ATAD1: variants seen among roughly 807,000 people sequenced by gnomAD.
ATAD1 encodes the protein outer mitochondrial transmembrane helix translocase.
ATAD1 carries 18 observed loss-of-function variants against 42.7 expected under a neutral mutation model. That is an observed-to-expected ratio of 0.42 (90% CI 0.29 to 0.63). ATAD1 has a LOEUF of 0.63. ATAD1 is among the 20% of genes least tolerant of loss of function. The pLI, the probability that ATAD1 is intolerant of heterozygous loss-of-function variation, is 0.19. For synonymous variants in ATAD1, 132 were observed against 143.1 expected (o/e 0.92, Z 0.55); for missense variants, 294 against 440.4 (o/e 0.67, Z 2.98).
At chr10:87,819,263 C>CAAAAAAAAAAAAAAAAAAAAAAA (rs57941047), upstream of ATAD1, 1 of 53,726 alleles carries the variant, frequency 1.9e-5, no homozygotes, top group East Asian at 5.6e-4. Context: ...ATCGTCTCTA[C>CAAAAAAAAAAAAAAAAAAAAAAA]AAAAAAAAAA....
upstream of ATAD1, chr10:87,818,253 G>T: frequency 1.0e-6 from 1 of 985,516 alleles, no homozygotes; most frequent in Non-Finnish European, 1.2e-6. Flanking sequence ...CTTCCGGCGG[G>T]AGGCGCGGCG....
At chr10:87,828,104 C>A (rs1182143046) in intron 1 of ATAD1, among the ~76,000 whole-genome samples, 2 of 152,048 alleles carry the variant, frequency 1.3e-5, no homozygotes, top group African/African-American at 2.4e-5. Context: ...ACTACAGGCG[C>A]ACACCACTGA....
intron 5 of ATAD1, among the ~76,000 whole-genome samples, chr10:87,783,648 C>CTA (rs1284700103): frequency 1.3e-5 from 2 of 151,018 alleles, no homozygotes; most frequent in Non-Finnish European, 3.0e-5. Context: ...ATTAGTATAA[C>CTA]TATATATATT....
At chr10:87,794,631 A>T (rs557805221) in intron 2 of ATAD1, among the ~76,000 whole-genome samples, 4 of 152,240 alleles carry the variant, frequency 2.6e-5, no homozygotes, top group Admixed American at 2.6e-4. Flanking sequence ...GGCACAGGAC[A>T]GCCTCCCTTT....
intron 2 of ATAD1, among the ~76,000 whole-genome samples, chr10:87,796,989 T>C (rs750605569): frequency 6.6e-6 from 1 of 152,174 alleles, no homozygotes; most frequent in Non-Finnish European, 1.5e-5. Flanking sequence ...TTTACAGAGT[T>C]TGAGCTCACT....
chr10:87,820,781 T>G (rs1301570503), upstream of ATAD1, among the ~76,000 whole-genome samples: 1 of 152,214 alleles, frequency 6.6e-6, no homozygotes, highest in Non-Finnish European at 1.5e-5. Flanking sequence ...CTTCCATGTC[T>G]GGGCCTAAGA....
At chr10:87,765,775 A>C (rs1291985672) in intron 8 of ATAD1, among the ~76,000 whole-genome samples, 1 of 152,192 alleles carries the variant, frequency 6.6e-6, no homozygotes, top group Non-Finnish European at 1.5e-5. Flanking sequence ...CATGCCTATA[A>C]TTCCAGCCTT....
intron 8 of ATAD1, among the ~76,000 whole-genome samples, chr10:87,759,395 C>A (rs1854378037): frequency 6.6e-6 from 1 of 151,802 alleles, no homozygotes; most frequent in Non-Finnish European, 1.5e-5. Context: ...ATTAAAATTG[C>A]CTGTTAAATA....
At chr10:87,765,749 A>G (rs1854712300) in intron 8 of ATAD1, among the ~76,000 whole-genome samples, 1 of 152,206 alleles carries the variant, frequency 6.6e-6, no homozygotes. Flanking sequence ...ACCATTTTTG[A>G]CCAGCTGTGG....
At chr10:87,811,321 A>G (rs1043329959) in intron 2 of ATAD1, among the ~76,000 whole-genome samples, 2 of 152,212 alleles carry the variant, frequency 1.3e-5, no homozygotes, top group African/African-American at 2.4e-5. Context: ...CAACACAGCA[A>G]GACTCCAACT....
At position 87,756,967 on chromosome 10, in the gene ATAD1, A is replaced by G. The variant is rs368196594; in HGVS notation, c.832-45T>C. 3 of 1,471,156 alleles carry G rather than the reference A, an allele frequency of 2.0e-6. No individual in the cohort carries two copies. In the African/African-American group the frequency reaches 4.3e-5, roughly 21 times the overall value. The allele number at this position is 1,471,156 out of a possible 1,614,324, so 91.1% of individuals were successfully genotyped here. ...ATGCTTAAAAAACAAAAATAAATAT[A>G]TTGTAAATGATACTACCAAACACCC... On this transcript the variant is annotated intron_variant, in intron 8 of 9. Coordinates refer to ENST00000680024, the MANE Select transcript of ATAD1 (RefSeq NM_001321967.2).
At chr10:87,767,966 C>T (rs1854842857) in intron 7 of ATAD1, among the ~76,000 whole-genome samples, 1 of 152,136 alleles carries the variant, frequency 6.6e-6, no homozygotes, top group Admixed American at 6.6e-5. Context: ...TGGGAAATAA[C>T]ACACCTTTAA....
chr10:87,787,043 C>T (rs1855871916), intron 4 of ATAD1, among the ~76,000 whole-genome samples: 1 of 152,012 alleles, frequency 6.6e-6, no homozygotes, highest in African/African-American at 2.4e-5. Context: ...TAGAGTGGCA[C>T]CTTTTCTATA....
chr10:87,781,801 C>A (rs1428461589), intron 5 of ATAD1, among the ~76,000 whole-genome samples: 3 of 152,092 alleles, frequency 2.0e-5, no homozygotes, highest in African/African-American at 4.8e-5. Flanking sequence ...CGTTACCACA[C>A]CCGGCTAATT....
chr10:87,773,731 TG>T (rs1440145977), intron 6 of ATAD1, among the ~76,000 whole-genome samples: 1 of 152,146 alleles, frequency 6.6e-6, no homozygotes, highest in East Asian at 1.9e-4. Context: ...ATAGATGAAG[TG>T]GCTCTGGAGA....
rs559166073 is a variant in ATAD1, at chr10:87,754,602, A to G, written c.*85T>C. On this transcript the variant is annotated 3_prime_UTR_variant, in exon 10 of 10. Coordinates refer to ENST00000680024, the MANE Select transcript of ATAD1 (RefSeq NM_001321967.2). ...AACACTGAGCTCCCTCATTGTTTAA[A>G]GAGCACTCTTTCCGTTCTATTTCCA... 2.1e-6 allele frequency: 3 copies of G among 1,447,746 alleles called. No homozygotes were observed. In the East Asian group the frequency reaches 7.0e-5, roughly 34 times the overall value. The allele number at this position is 1,447,746 out of a possible 1,614,324, so 89.7% of individuals were successfully genotyped here.
intron 2 of ATAD1, among the ~76,000 whole-genome samples, chr10:87,793,943 A>G (rs1856250676): frequency 6.6e-6 from 1 of 152,096 alleles, no homozygotes; most frequent in South Asian, 2.1e-4. Flanking sequence ...TAAAAAAAAA[A>G]AGTACTATGG....
intron 1 of ATAD1, among the ~76,000 whole-genome samples, chr10:87,837,378 A>C (rs1857948677): frequency 6.6e-6 from 1 of 152,204 alleles, no homozygotes; most frequent in Non-Finnish European, 1.5e-5. Flanking sequence ...TTCTGTTTTC[A>C]AAAAGAATAT....
chr10:87,810,165 C>G (rs1857116524), intron 2 of ATAD1, among the ~76,000 whole-genome samples: 3 of 151,978 alleles, frequency 2.0e-5, no homozygotes, highest in Non-Finnish European at 4.4e-5. Flanking sequence ...TTCTTTTACC[C>G]AGGAGTCATT....
Sources: gnomAD v4.1 joint callset for allele counts (sites outside exome capture counted in the v4.1 genomes callset) on GRCh38, gnomAD v4.1.1 for gene constraint, MANE v1.5 for transcripts, NCBI Gene and HGNC (gene_info 2026-07-23, HGNC 2026-07-21) for gene names.